MDGA2: variants seen among roughly 807,000 people sequenced by gnomAD.
MDGA2 encodes MAM domain containing glycosylphosphatidylinositol anchor 2.
MDGA2 carries 40 observed loss-of-function variants against 117.8 expected under a neutral mutation model. The ratio of observed to expected loss-of-function variants is 0.34; its 90% CI spans 0.26 to 0.44. MDGA2 has a LOEUF of 0.44. Ranked by LOEUF, MDGA2 falls within the 20% of genes least tolerant of loss-of-function variation. The pLI, the probability that MDGA2 is intolerant of heterozygous loss-of-function variation, is 1.00. For missense variants in MDGA2, 1,123 were observed against 1,250.6 expected, an observed-to-expected ratio of 0.90 and a Z score of 1.54; for synonymous variants, 452 against 439.0, an observed-to-expected ratio of 1.03 and a Z score of -0.37.
intron 2 of MDGA2, among the ~76,000 whole-genome samples, chr14:47,285,294 C>T (rs533834292): frequency 6.6e-6 from 1 of 152,192 alleles, no homozygotes; most frequent in Non-Finnish European, 1.5e-5. Flanking sequence ...TTTTAGCATA[C>T]ACTTTTTGTA....
At chr14:47,279,768 C>A (rs1353735484) in intron 2 of MDGA2, among the ~76,000 whole-genome samples, 1 of 152,080 alleles carries the variant, frequency 6.6e-6, no homozygotes, top group Non-Finnish European at 1.5e-5. Flanking sequence ...CCCCTACACA[C>A]ACACTTTTTC....
At chr14:47,001,203 A>T (rs907272271) in intron 8 of MDGA2, among the ~76,000 whole-genome samples, 20 of 152,120 alleles carry the variant, frequency 1.3e-4, no homozygotes, top group African/African-American at 4.8e-4. Context: ...AGCAAATTTT[A>T]AAAAGAAAAG....
At chr14:47,587,533 T>C (rs1205613968) in intron 1 of MDGA2, among the ~76,000 whole-genome samples, 1 of 151,832 alleles carries the variant, frequency 6.6e-6, no homozygotes, top group African/African-American at 2.4e-5. Flanking sequence ...TACAAGAGAA[T>C]ATGAGTAAAC....
At chr14:47,486,368 A>G (rs1860983508) in intron 1 of MDGA2, among the ~76,000 whole-genome samples, 3 of 152,170 alleles carry the variant, frequency 2.0e-5, no homozygotes, top group Admixed American at 1.3e-4. Flanking sequence ...CTGTACCTCC[A>G]TCGTATCTAG....
At chr14:47,200,247 A>C (rs1321704899) in intron 3 of MDGA2, among the ~76,000 whole-genome samples, 2 of 151,984 alleles carry the variant, frequency 1.3e-5, no homozygotes, top group Non-Finnish European at 1.5e-5. Flanking sequence ...ACCAATTATC[A>C]CCACCATATA....
chr14:47,051,939 T>TA (rs1301245106), intron 7 of MDGA2, among the ~76,000 whole-genome samples: 1 of 151,918 alleles, frequency 6.6e-6, no homozygotes, highest in African/African-American at 2.4e-5. Flanking sequence ...TCTCCTCTAA[T>TA]AAAAAACTTC....
At chr14:47,265,426 A>G (rs763594938) in intron 2 of MDGA2, among the ~76,000 whole-genome samples, 1 of 152,146 alleles carries the variant, frequency 6.6e-6, no homozygotes, top group Non-Finnish European at 1.5e-5. Flanking sequence ...TTAATAATAT[A>G]TGTATCTCCA....
intron 1 of MDGA2, among the ~76,000 whole-genome samples, chr14:47,449,636 C>T (rs1242886182): frequency 2.0e-5 from 3 of 151,986 alleles, no homozygotes; most frequent in Non-Finnish European, 2.9e-5. Flanking sequence ...ATACTAGTAT[C>T]TCATTTTGTA....
At chr14:47,320,421 C>T (rs1316378906) in intron 1 of MDGA2, among the ~76,000 whole-genome samples, 1 of 152,114 alleles carries the variant, frequency 6.6e-6, no homozygotes, top group East Asian at 1.9e-4. Flanking sequence ...GGGATGCTTA[C>T]AGTTTGGCAT....
intron 1 of MDGA2, among the ~76,000 whole-genome samples, chr14:47,530,952 C>T (rs1036471698): frequency 7.9e-5 from 12 of 151,992 alleles, no homozygotes; most frequent in Admixed American, 1.3e-4. Context: ...GTTAATTTTC[C>T]GTATAAGATT....
At chr14:47,248,768 A>G (rs977903818) in intron 2 of MDGA2, among the ~76,000 whole-genome samples, 2 of 151,450 alleles carry the variant, frequency 1.3e-5, no homozygotes, top group African/African-American at 4.9e-5. Flanking sequence ...AGGTTTATCA[A>G]AGTAATTTTA....
intron 1 of MDGA2, among the ~76,000 whole-genome samples, chr14:47,576,206 A>G (rs1308840064): frequency 6.6e-6 from 1 of 152,218 alleles, no homozygotes; most frequent in African/African-American, 2.4e-5. Flanking sequence ...AACCAGTATC[A>G]AAGTTTTTAT....
At chr14:47,609,078 T>C (rs1016045911) in intron 1 of MDGA2, among the ~76,000 whole-genome samples, 2 of 151,696 alleles carry the variant, frequency 1.3e-5, no homozygotes, top group Non-Finnish European at 2.9e-5. Context: ...TATTTTTCCA[T>C]AGGTTATTGG....
intron 1 of MDGA2, among the ~76,000 whole-genome samples, chr14:47,489,679 G>C (rs1894129916): frequency 6.6e-6 from 1 of 152,050 alleles, no homozygotes; most frequent in South Asian, 2.1e-4. Flanking sequence ...TAAGCATTCA[G>C]AACTGTTGCC....
At chr14:47,087,927 T>C (rs1417890616) in intron 6 of MDGA2, among the ~76,000 whole-genome samples, 1 of 152,026 alleles carries the variant, frequency 6.6e-6, no homozygotes, top group Non-Finnish European at 1.5e-5. Context: ...AGAGCACTAC[T>C]ATCATTTTTA....
intron 2 of MDGA2, among the ~76,000 whole-genome samples, chr14:47,242,307 C>G (rs2139608617): frequency 6.6e-6 from 1 of 152,084 alleles, no homozygotes; most frequent in African/African-American, 2.4e-5. Flanking sequence ...CTCGCTTGCT[C>G]TCAGCACCTC....
intron 10 of MDGA2, among the ~76,000 whole-genome samples, chr14:46,895,258 GTT>G: frequency 6.6e-6 from 1 of 152,142 alleles, no homozygotes; most frequent in Non-Finnish European, 1.5e-5. Context: ...TAGTGAGTGA[GTT>G]CTCACAAGAT....
chr14:47,542,954 A>G (rs1276593111), intron 1 of MDGA2, among the ~76,000 whole-genome samples: 1 of 152,202 alleles, frequency 6.6e-6, no homozygotes, highest in African/African-American at 2.4e-5. Flanking sequence ...TCACACCTGT[A>G]GTTCCAACAC....
At chr14:47,547,500 C>A (rs10483565) in intron 1 of MDGA2, among the ~76,000 whole-genome samples, 1 of 151,882 alleles carries the variant, frequency 6.6e-6, no homozygotes, top group African/African-American at 2.4e-5. Flanking sequence ...TTGGTCTGAA[C>A]GGAATACAAA....
Sources: allele counts gnomAD v4.1 joint callset (sites outside exome capture counted in the v4.1 genomes callset), GRCh38; gene constraint gnomAD v4.1.1; transcripts MANE v1.5; gene names NCBI Gene and HGNC (gene_info 2026-07-23, HGNC 2026-07-21).